The following RHOJ variants were observed in gnomAD, a reference collection of about 807,000 sequenced individuals.
RHOJ encodes rho-related GTP-binding protein RhoJ.
A neutral mutation model predicts 23.4 loss-of-function variants in RHOJ; 11 were observed. The observed-to-expected ratio is 0.47, with a 90% CI of 0.30 to 0.78. RHOJ has a LOEUF of 0.78. Among genes scored for constraint, RHOJ ranks in the 30% least tolerant of loss-of-function variants. The pLI is 0.08. For missense variants in RHOJ, 254 were observed against 273.4 expected (o/e 0.93, Z 0.50); for synonymous variants, 102 against 102.7 (o/e 0.99, Z 0.04).
At chr14:63,225,852 G>C (rs1293274124) in intron 1 of RHOJ, among the ~76,000 whole-genome samples, 1 of 152,098 alleles carries the variant, frequency 6.6e-6, no homozygotes, top group Non-Finnish European at 1.5e-5. Flanking sequence ...TCAGAAAAAA[G>C]ATTAATCTTG....
At chr14:63,213,434 A>T (rs1415690029) in intron 1 of RHOJ, among the ~76,000 whole-genome samples, 6 of 152,174 alleles carry the variant, frequency 3.9e-5, no homozygotes, top group Non-Finnish European at 8.8e-5. Flanking sequence ...AATGGCCTCC[A>T]GCTGCATCCA....
At chr14:63,217,975 C>T (rs1243840894) in intron 1 of RHOJ, among the ~76,000 whole-genome samples, 1 of 151,776 alleles carries the variant, frequency 6.6e-6, no homozygotes, top group African/African-American at 2.4e-5. Context: ...TTTCTTTTTT[C>T]CCCTTTTTCT....
At chr14:63,223,592 A>T (rs1380686312) in intron 1 of RHOJ, among the ~76,000 whole-genome samples, 7 of 152,182 alleles carry the variant, frequency 4.6e-5, no homozygotes, top group Non-Finnish European at 8.8e-5. Context: ...GCTGGGAAGG[A>T]TGTTTTAAAT....
At chr14:63,206,498 C>A (rs1369664457) in intron 1 of RHOJ, among the ~76,000 whole-genome samples, 1 of 152,202 alleles carries the variant, frequency 6.6e-6, no homozygotes, top group African/African-American at 2.4e-5. Flanking sequence ...TTACTCTACA[C>A]CTTCTTTCTG....
chr14:63,217,939 C>T (rs552699016), intron 1 of RHOJ, among the ~76,000 whole-genome samples: 3 of 152,360 alleles, frequency 2.0e-5, no homozygotes, highest in South Asian at 4.1e-4. Flanking sequence ...GATGTAAACT[C>T]TAAATATTCT....
intron 1 of RHOJ, among the ~76,000 whole-genome samples, chr14:63,207,459 T>C (rs1894139298): frequency 6.6e-6 from 1 of 152,198 alleles, no homozygotes. Context: ...GAATCTACAA[T>C]CAATTGTAAA....
At chr14:63,271,658 AATCTTGG>A (rs1169872792) in intron 2 of RHOJ, among the ~76,000 whole-genome samples, 1 of 152,206 alleles carries the variant, frequency 6.6e-6, no homozygotes, top group African/African-American at 2.4e-5. Context: ...GCAGTGGCGC[AATCTTGG>A]ATCACTGCAA....
chr14:63,251,021 G>C (rs1382991531), intron 1 of RHOJ, among the ~76,000 whole-genome samples: 1 of 151,986 alleles, frequency 6.6e-6, no homozygotes, highest in Admixed American at 6.6e-5. Flanking sequence ...GGCAACAAGT[G>C]AAACTCCGTC....
chr14:63,245,936 A>C (rs1436663243), intron 1 of RHOJ, among the ~76,000 whole-genome samples: 1 of 152,188 alleles, frequency 6.6e-6, no homozygotes, highest in Non-Finnish European at 1.5e-5. Flanking sequence ...GTCACCTATT[A>C]ATCAGGTAAT....
At chr14:63,236,184 C>T (rs896531631) in intron 1 of RHOJ, among the ~76,000 whole-genome samples, 2 of 152,222 alleles carry the variant, frequency 1.3e-5, no homozygotes, top group African/African-American at 4.8e-5. Context: ...GGCTCTGTTT[C>T]ATGCATCACC....
In RHOJ at chr14:63,204,920, C is replaced by T. The variant is rs748360536; in HGVS notation, c.51C>T (p.Asp17=). The T allele has an allele frequency of 9.9e-6, 16 of 1,614,054 alleles. No individual in the cohort carries two copies. The highest frequency in any genetic ancestry group is 2.2e-5 in the East Asian group (1 of 44,864). Residue 17 remains aspartate (D), a synonymous_variant, in exon 1 of 5, where the codon GAC becomes GAT. Coordinates refer to ENST00000316754, the MANE Select transcript of RHOJ (RefSeq NM_020663.5). ...TDSSCGCRGN[D]EKKMLKCVVV... ...GCAGCTGCGGCTGCAGGGGCAACGA[C>T]GAGAAGAAGATGTTGAAGTGTGTGG...
intron 1 of RHOJ, among the ~76,000 whole-genome samples, chr14:63,261,109 C>T (rs935542162): frequency 2.0e-5 from 3 of 152,172 alleles, no homozygotes; most frequent in African/African-American, 7.2e-5. Context: ...TTCTTCTCTT[C>T]GTCATTGCCA....
At chr14:63,277,436 C>T (rs142387586) in intron 2 of RHOJ, among the ~76,000 whole-genome samples, 243 of 152,290 alleles carry the variant, frequency 1.6e-3, no homozygotes, top group African/African-American at 5.7e-3. Flanking sequence ...TACGCAGGCC[C>T]ACTCTCCAGA....
intron 1 of RHOJ, among the ~76,000 whole-genome samples, chr14:63,236,193 C>T (rs570556928): frequency 1.2e-4 from 19 of 152,314 alleles, no homozygotes; most frequent in Admixed American, 1.0e-3. Context: ...TCATGCATCA[C>T]CTGACATAGT....
At chr14:63,249,022 A>G (rs6573501) in intron 1 of RHOJ, among the ~76,000 whole-genome samples, 12,438 of 152,246 alleles carry the variant, frequency 0.082, 1,294 homozygotes, top group African/African-American at 0.24. Flanking sequence ...TGCCTAAGCA[A>G]TCAATGTGAT....
intron 2 of RHOJ, among the ~76,000 whole-genome samples, chr14:63,272,259 A>T (rs1307484208): frequency 2.0e-5 from 3 of 152,202 alleles, no homozygotes; most frequent in Non-Finnish European, 2.9e-5. Context: ...GTGTCCCAAA[A>T]TTTCCATTCC....
At chr14:63,223,073 T>A (rs887441033) in intron 1 of RHOJ, among the ~76,000 whole-genome samples, 1 of 152,230 alleles carries the variant, frequency 6.6e-6, no homozygotes, top group Non-Finnish European at 1.5e-5. Flanking sequence ...TTTGGGCTCA[T>A]GACCAAATCA....
intron 1 of RHOJ, among the ~76,000 whole-genome samples, chr14:63,219,989 A>G (rs1894453802): frequency 6.6e-6 from 1 of 152,180 alleles, no homozygotes; most frequent in African/African-American, 2.4e-5. Flanking sequence ...TTCATCTTTT[A>G]TTAAGAAATA....
At chr14:63,229,441 G>A (rs1894651519) in intron 1 of RHOJ, among the ~76,000 whole-genome samples, 1 of 152,178 alleles carries the variant, frequency 6.6e-6, no homozygotes, top group Non-Finnish European at 1.5e-5. Context: ...TTGGTGGCCA[G>A]GCTGGTCTTA....
Sources: allele counts gnomAD v4.1 joint callset (sites outside exome capture counted in the v4.1 genomes callset), GRCh38; gene constraint gnomAD v4.1.1; transcripts MANE v1.5; gene names NCBI Gene and HGNC (gene_info 2026-07-23, HGNC 2026-07-21).